Variants in AFAP1 observed in about 807,000 individuals in gnomAD.
The protein encoded by AFAP1 is actin filament associated protein 1, also known as actin filament-associated protein 1.
A neutral mutation model predicts 93.9 loss-of-function variants in AFAP1; 75 were observed. The observed-to-expected ratio is 0.80, with a 90% CI of 0.66 to 0.97. The LOEUF is 0.97. AFAP1 is among the 50% of genes least tolerant of loss of function. The pLI is 0.00. For synonymous variants in AFAP1, 517 were observed against 430.7 expected, an observed-to-expected ratio of 1.20 and a Z score of -2.48; for missense variants, 1,201 against 1,050.8, an observed-to-expected ratio of 1.14 and a Z score of -1.98.
chr4:7,919,138 G>A (rs1720294751), intron 1 of AFAP1, among the ~76,000 whole-genome samples: 1 of 152,202 alleles, frequency 6.6e-6, no homozygotes, highest in African/African-American at 2.4e-5. Context: ...GGCTGCAGAT[G>A]AGACACTCAG....
intron 13 of AFAP1, among the ~76,000 whole-genome samples, chr4:7,780,433 T>C (rs1716640921): frequency 6.6e-6 from 1 of 152,270 alleles, no homozygotes; most frequent in Non-Finnish European, 1.5e-5. Context: ...AAAACAAATA[T>C]TTAAAACATG....
chr4:7,838,450 A>C, intron 6 of AFAP1, 74 bp downstream of exon 6: 1 of 1,492,022 alleles, frequency 6.7e-7, no homozygotes, highest in Admixed American at 2.3e-5. Flanking sequence ...AATTAAAATT[A>C]AAATTAAAAT....
chr4:7,918,964 G>GCCGGAAGAGACAC (rs1560236323), intron 1 of AFAP1, among the ~76,000 whole-genome samples: 1 of 142,204 alleles, frequency 7.0e-6, no homozygotes, highest in African/African-American at 2.6e-5. Flanking sequence ...AAACAGGGCT[G>GCCGGAAGAGACAC]TTGGAAGAGA....
At chr4:7,933,430 G>A (rs574893432) in intron 1 of AFAP1, among the ~76,000 whole-genome samples, 1 of 151,828 alleles carries the variant, frequency 6.6e-6, no homozygotes, top group East Asian at 1.9e-4. Context: ...AAAATTAGTC[G>A]GGCACAGTGG....
At chr4:7,895,919 C>T (rs1718739572) in intron 1 of AFAP1, among the ~76,000 whole-genome samples, 1 of 138,124 alleles carries the variant, frequency 7.2e-6, no homozygotes, top group African/African-American at 2.7e-5. Context: ...AGTGCAGTGG[C>T]GCGATCTTGG....
In AFAP1 at chr4:7,768,897, G is replaced by C. The variant is rs1407263930; in HGVS notation, c.2365C>G (p.Gln789Glu). The change falls in exon 17 of 18, where the codon CAG becomes GAG. Residue 789 changes from glutamine (Q) to glutamate (E), a missense_variant. Physicochemically the swap from Gln to Glu is conservative, Grantham distance 29. Transcript: ENST00000420658. ...VNSAAVLKKS[Q>E]AAPGSSPCRG... Reference sequence around the variant, plus strand: ...CAGGGGGAGCTGCCCGGGGCAGCCTGGCTCTTCTTCAAGACGGCCGCGCTG... The same window carrying C: ...CAGGGGGAGCTGCCCGGGGCAGCCTCGCTCTTCTTCAAGACGGCCGCGCTG... The C allele has an allele frequency of 1.2e-6, 2 of 1,612,214 alleles. No individual in the cohort carries two copies. Among genetic ancestry groups the C allele is most frequent in the Non-Finnish European group, 1.7e-6 (2 of 1,178,762 alleles).
At chr4:7,766,573 G>A (rs1254528996) in intron 17 of AFAP1, among the ~76,000 whole-genome samples, 4 of 125,954 alleles carry the variant, frequency 3.2e-5, no homozygotes, top group Admixed American at 8.3e-5. Flanking sequence ...GAGGGAAACA[G>A]AATCTCCAGG....
chr4:7,767,435 A>C (rs1233343625), intron 17 of AFAP1, among the ~76,000 whole-genome samples: 1 of 152,240 alleles, frequency 6.6e-6, no homozygotes, highest in African/African-American at 2.4e-5. Flanking sequence ...CTCATCTGCG[A>C]GTCCTAAGTG....
At chr4:7,784,142 G>T (rs1717042766) in intron 12 of AFAP1, among the ~76,000 whole-genome samples, 2 of 152,148 alleles carry the variant, frequency 1.3e-5, no homozygotes, top group African/African-American at 4.8e-5. Flanking sequence ...CCCAGGGGTG[G>T]AGTGCTGTGG....
chr4:7,773,031 G>C (rs768915585), intron 15 of AFAP1, 21 bp from the exon 16 acceptor site: 73 of 1,601,298 alleles, frequency 4.6e-5, no homozygotes, highest in Non-Finnish European at 5.8e-5. Context: ...CAGAAACGCC[G>C]TTACTCCCGC....
At chr4:7,853,386 G>A (rs1005900502) in intron 4 of AFAP1, among the ~76,000 whole-genome samples, 3 of 152,170 alleles carry the variant, frequency 2.0e-5, no homozygotes, top group Non-Finnish European at 4.4e-5. Context: ...ATAGGGCAGA[G>A]GGGAGCAGTG....
At chr4:7,832,186 T>C (rs567494773) in intron 6 of AFAP1, among the ~76,000 whole-genome samples, 1 of 152,156 alleles carries the variant, frequency 6.6e-6, no homozygotes. Context: ...ATATTAAAGT[T>C]CCATGCTGGG....
At chr4:7,820,710 C>T (rs1384837217) in intron 6 of AFAP1, among the ~76,000 whole-genome samples, 2 of 152,130 alleles carry the variant, frequency 1.3e-5, no homozygotes, top group African/African-American at 4.8e-5. Flanking sequence ...GTTCCTTCTC[C>T]TGCTGAAGGA....
At chr4:7,802,895 C>T (rs543158273) in intron 9 of AFAP1, among the ~76,000 whole-genome samples, 9 of 152,176 alleles carry the variant, frequency 5.9e-5, no homozygotes, top group South Asian at 2.1e-4. Context: ...GTGATCCACC[C>T]GCCTCGGCCT....
At chr4:7,794,377 G>A (rs188341894) in intron 10 of AFAP1, among the ~76,000 whole-genome samples, 119 of 152,274 alleles carry the variant, frequency 7.8e-4, no homozygotes, top group Non-Finnish European at 1.2e-3. Flanking sequence ...TTTCCACAGG[G>A]GAAATGACAC....
intron 4 of AFAP1, 78 bp from the exon 5 acceptor site, chr4:7,843,428 CTTATTT>C: frequency 2.3e-6 from 3 of 1,328,180 alleles, no homozygotes; most frequent in Non-Finnish European, 1.0e-6. Context: ...AGCACGTCCT[CTTATTT>C]TTAATCACCA....
chr4:7,784,251 C>G (rs1717054078), intron 12 of AFAP1, among the ~76,000 whole-genome samples: 1 of 152,088 alleles, frequency 6.6e-6, no homozygotes, highest in South Asian at 2.1e-4. Context: ...ATGGGGGGCT[C>G]TACTGGATGG....
rs181697746 is a variant in AFAP1 at position 7,871,473 on chromosome 4, C to T, written c.127+479G>A. 1.8e-3 allele frequency among the ~76,000 whole-genome samples: 273 copies of T among 151,956 alleles called. 1 individual carries two copies. The highest frequency in any genetic ancestry group is 6.5e-3 in the African/African-American group (266 of 41,226). ...GATGAGCCTGAATGGAAATGTCGCA[C>T]AGAGCTTGCTGCGTTTTTATTGCTG... On this transcript the variant is annotated intron_variant, in intron 2 of 17. Transcript: ENST00000420658.
intron 6 of AFAP1, among the ~76,000 whole-genome samples, chr4:7,826,052 T>C (rs1721391081): frequency 6.6e-6 from 1 of 152,044 alleles, no homozygotes; most frequent in Admixed American, 6.5e-5. Flanking sequence ...AAGGCTCCTT[T>C]GCAGGAAAAA....
Sources: gnomAD v4.1 joint callset for allele counts (sites outside exome capture counted in the v4.1 genomes callset) on GRCh38, gnomAD v4.1.1 for gene constraint, MANE v1.5 for transcripts, NCBI Gene and HGNC (gene_info 2026-07-23, HGNC 2026-07-21) for gene names.